MEF2C: variants seen among roughly 807,000 people sequenced by gnomAD.
MEF2C encodes myocyte-specific enhancer factor 2C.
Under a neutral mutation model 50.5 loss-of-function variants are expected in MEF2C, and 6 were observed. The observed-to-expected ratio is 0.12, with a 90% confidence interval of 0.07 to 0.23. The LOEUF (loss-of-function observed/expected upper bound fraction) is 0.23. MEF2C is among the 10% of genes least tolerant of loss of function. The pLI is 1.00. For missense variants in MEF2C, 276 were observed against 605.0 expected (o/e 0.46, Z 5.70); for synonymous variants, 183 against 228.0 (o/e 0.80, Z 1.78).
chr5:88,889,794 G>A (rs1260492662), intron 1 of MEF2C, among the ~76,000 whole-genome samples: 1 of 152,156 alleles, frequency 6.6e-6, no homozygotes, highest in Non-Finnish European at 1.5e-5. Flanking sequence ...CTGCTGGTCT[G>A]GTTTTGGGAT....
At chr5:88,893,465 C>T (rs546379265) in intron 1 of MEF2C, among the ~76,000 whole-genome samples, 3 of 151,960 alleles carry the variant, frequency 2.0e-5, no homozygotes, top group South Asian at 4.2e-4. Flanking sequence ...TGAGGTAATC[C>T]GCCCACTTTG....
chr5:88,755,458 G>C (rs559454737), intron 4 of MEF2C, among the ~76,000 whole-genome samples: 7 of 152,284 alleles, frequency 4.6e-5, no homozygotes, highest in Admixed American at 4.6e-4. Flanking sequence ...AAATACTGTA[G>C]TCAGAAATCA....
At chr5:88,744,534 C>T (rs1261095576) in intron 6 of MEF2C, among the ~76,000 whole-genome samples, 1 of 151,920 alleles carries the variant, frequency 6.6e-6, no homozygotes, top group Non-Finnish European at 1.5e-5. Context: ...GCCTGGGTGA[C>T]AGAACAAGAC....
intron 3 of MEF2C, among the ~76,000 whole-genome samples, chr5:88,784,558 C>G (rs1013921732): frequency 4.6e-5 from 7 of 152,154 alleles, no homozygotes; most frequent in Non-Finnish European, 7.3e-5. Flanking sequence ...TACCATAGCT[C>G]ATATCACTAT....
At chr5:88,758,824 C>G (rs895541918) in intron 4 of MEF2C, among the ~76,000 whole-genome samples, 1 of 152,206 alleles carries the variant, frequency 6.6e-6, no homozygotes, top group African/African-American at 2.4e-5. Flanking sequence ...GCCCCTACCA[C>G]ACACCACTGC....
chr5:88,797,865 G>A (rs904394913), intron 3 of MEF2C, among the ~76,000 whole-genome samples: 2 of 152,022 alleles, frequency 1.3e-5, no homozygotes, highest in African/African-American at 2.4e-5. Context: ...CTCAGTATTC[G>A]CTTGTCTGTA....
intron 2 of MEF2C, among the ~76,000 whole-genome samples, chr5:88,818,431 G>T (rs2153190852): frequency 6.6e-6 from 1 of 151,858 alleles, no homozygotes; most frequent in South Asian, 2.1e-4. Flanking sequence ...CTGCCTAACT[G>T]ATGGAGGTAT....
At chr5:88,742,094 C>G in intron 6 of MEF2C, 1 of 985,368 alleles carries the variant, frequency 1.0e-6, no homozygotes, top group Non-Finnish European at 1.2e-6. Context: ...AGATTATACT[C>G]TTGGCTGACA....
At chr5:88,887,891 A>C (rs1459413497), upstream of MEF2C, among the ~76,000 whole-genome samples, 1 of 152,208 alleles carries the variant, frequency 6.6e-6, no homozygotes, top group Non-Finnish European at 1.5e-5. Context: ...TATACAAAGG[A>C]TTTGTTATTT....
intron 1 of MEF2C, among the ~76,000 whole-genome samples, chr5:88,854,600 C>G (rs1822590889): frequency 6.6e-6 from 1 of 152,084 alleles, no homozygotes; most frequent in East Asian, 1.9e-4. Flanking sequence ...TAATTATTAC[C>G]CTTCATTCAC....
intron 1 of MEF2C, among the ~76,000 whole-genome samples, chr5:88,852,281 A>G (rs1821653781): frequency 6.6e-6 from 1 of 152,200 alleles, no homozygotes; most frequent in South Asian, 2.1e-4. Context: ...CTTCTAAAAA[A>G]TGTTAGAAAA....
intron 1 of MEF2C, among the ~76,000 whole-genome samples, chr5:88,873,546 C>A (rs148933218): frequency 6.6e-6 from 1 of 151,702 alleles, no homozygotes; most frequent in East Asian, 1.9e-4. Flanking sequence ...ATGAGAGAAG[C>A]GGAGGGAAAA....
intron 1 of MEF2C, among the ~76,000 whole-genome samples, chr5:88,881,953 A>G (rs1015789818): frequency 6.6e-6 from 1 of 152,200 alleles, no homozygotes; most frequent in Non-Finnish European, 1.5e-5. Flanking sequence ...ATTTACATAT[A>G]AAGTATTTTA....
intron 6 of MEF2C, chr5:88,737,039 A>G (rs1467963777): frequency 1.0e-6 from 1 of 985,178 alleles, no homozygotes; most frequent in Non-Finnish European, 1.2e-6. Context: ...CTAGTTCTTT[A>G]TATGTTTCAG....
intron 1 of MEF2C, among the ~76,000 whole-genome samples, chr5:88,880,352 C>T (rs2150073496): frequency 6.6e-6 from 1 of 151,994 alleles, no homozygotes; most frequent in South Asian, 2.1e-4. Context: ...GAATCATGTC[C>T]CCAAAGCCAG....
intron 10 of MEF2C, among the ~76,000 whole-genome samples, chr5:88,727,546 C>CATATGGAT (rs1759421719): frequency 6.6e-6 from 1 of 152,208 alleles, no homozygotes; most frequent in South Asian, 2.1e-4. Flanking sequence ...TCTCCTTAGA[C>CATATGGAT]ATATGGATAT....
Position 88,738,211 on chromosome 5 carries a change from G to A in MEF2C, c.638-6310C>T, listed in dbSNP as rs1242994566. On this transcript the variant is annotated intron_variant, in intron 6 of 10. Transcript: ENST00000504921. ...TCCCTAGTGTGAGAGAAGCATGAAA[G>A]TAATCTGAATGAGAGGCTCTCAGGT... The A allele has an allele frequency of 3.0e-6, 3 of 985,222 alleles. No homozygotes were observed. The African/African-American group carries it at 5.2e-5, about 17-fold the overall frequency. The allele number at this position is 985,222 out of a possible 1,614,324, so 61.0% of individuals were successfully genotyped here. A position where few individuals can be genotyped will look rare whatever the true frequency, so the allele number is the denominator to read the frequency against.
rs1431613089 is a variant in MEF2C at position 88,829,002 on chromosome 5, T to C, written c.-142-5072A>G. ...ATCACATACCCAAGACTCACTCTTCTAAGGGTAATAAAAGAACAGCTATTC... is the reference window on the plus strand; with the variant it reads ...ATCACATACCCAAGACTCACTCTTCCAAGGGTAATAAAAGAACAGCTATTC... On this transcript the variant is annotated intron_variant, in intron 1 of 10. Transcript: ENST00000504921. 2.6e-5 allele frequency among the ~76,000 whole-genome samples: 4 copies of C among 152,010 alleles called. No homozygotes were observed. The South Asian group carries it at 6.2e-4, about 24-fold the overall frequency.
At chr5:88,892,221 G>C (rs962654590) in intron 1 of MEF2C, 1 of 152,114 alleles carries the variant, frequency 6.6e-6, no homozygotes, top group Non-Finnish European at 1.5e-5. Flanking sequence ...CAACCGAGAA[G>C]GCTGGTCTGA....
Sources: gnomAD v4.1 joint callset for allele counts (sites outside exome capture counted in the v4.1 genomes callset) on GRCh38, gnomAD v4.1.1 for gene constraint, MANE v1.5 for transcripts, NCBI Gene and HGNC (gene_info 2026-07-23, HGNC 2026-07-21) for gene names.